Variants in NDRG1 observed in about 807,000 individuals in gnomAD.
The protein encoded by NDRG1 is protein NDRG1.
In NDRG1, 32 loss-of-function variants were observed where a neutral mutation model predicts 56.9. That is an observed-to-expected ratio of 0.56 (90% CI 0.42 to 0.76). NDRG1 has a LOEUF of 0.76. NDRG1 is among the 30% of genes least tolerant of loss of function. The pLI, the probability that NDRG1 is intolerant of heterozygous loss-of-function variation, is 0.00. For synonymous variants in NDRG1, 211 were observed against 204.1 expected (o/e 1.03, Z -0.29); for missense variants, 507 against 545.7 (o/e 0.93, Z 0.71).
At chr8:133,260,402 A>AGGTCCCACTCTGACAGTG (rs1856604282) in intron 5 of NDRG1, among the ~76,000 whole-genome samples, 1 of 152,236 alleles carries the variant, frequency 6.6e-6, no homozygotes. Context: ...GAAACAAGTC[A>AGGTCCCACTCTGACAGTG]GGTCCCACTC....
intron 1 of NDRG1, among the ~76,000 whole-genome samples, chr8:133,295,371 G>T (rs1379169718): frequency 1.3e-5 from 2 of 152,236 alleles, no homozygotes; most frequent in African/African-American, 2.4e-5. Context: ...ACAAAGCTAA[G>T]AAGTCACAGG....
intron 14 of NDRG1, among the ~76,000 whole-genome samples, chr8:133,242,357 A>C (rs1476373234): frequency 2.0e-5 from 3 of 152,212 alleles, no homozygotes; most frequent in Non-Finnish European, 4.4e-5. Flanking sequence ...GTTTCTGAGG[A>C]GATTACCATC....
Position 133,248,742 on chromosome 8 carries a change from A to T in NDRG1, c.728T>A (p.Met243Lys). ...CAGGGTGACTGTGTGGGTTCCCGGC[A>T]TTGGTCGCTCAATCTCCAGGTCGCG... ...SRRDLEIERP[M>K]PGTHTVTLQC... is the part of the protein sequence containing the mutation. Residue 243 changes from methionine to lysine, a missense_variant, in exon 11 of 16, where the codon ATG (methionine) becomes AAG (lysine). Met to Lys is a moderately conservative substitution (Grantham distance 95). Transcript: ENST00000323851. The T allele has an allele frequency of 6.2e-7, 1 of 1,614,226 alleles. No homozygotes were observed. Among genetic ancestry groups the T allele is most frequent in the Non-Finnish European group, 8.5e-7 (1 of 1,180,044 alleles).
At chr8:133,285,102 C>T (rs1462955014) in intron 1 of NDRG1, among the ~76,000 whole-genome samples, 1 of 152,126 alleles carries the variant, frequency 6.6e-6, no homozygotes, top group Non-Finnish European at 1.5e-5. Flanking sequence ...TGAAGCACAG[C>T]CCAGGAAGAC....
At chr8:133,284,201 A>C in intron 2 of NDRG1, 48 bp downstream of exon 2, 3 of 1,565,490 alleles carry the variant, frequency 1.9e-6, no homozygotes, top group Non-Finnish European at 2.6e-6. Context: ...GTGTGTGTCT[A>C]TGTGCACATG....
At chr8:133,250,629 G>A in intron 9 of NDRG1, 86 bp from the exon 10 acceptor site, 2 of 1,149,200 alleles carry the variant, frequency 1.7e-6, no homozygotes, top group African/African-American at 1.5e-5. Flanking sequence ...AGGTTATTTG[G>A]AGACAAAGTA....
intron 2 of NDRG1, among the ~76,000 whole-genome samples, chr8:133,283,125 C>T (rs13252851): frequency 0.12 from 18,466 of 152,198 alleles, 1,276 homozygotes; most frequent in Middle Eastern, 0.17. Flanking sequence ...GATTCCATGT[C>T]CCACACTTTG....
At chr8:133,268,173 G>A (rs1023802958) in intron 3 of NDRG1, among the ~76,000 whole-genome samples, 3 of 152,150 alleles carry the variant, frequency 2.0e-5, no homozygotes, top group Non-Finnish European at 2.9e-5. Flanking sequence ...GGTATCTGCT[G>A]GATAAGAGAT....
chr8:133,296,275 G>A (rs1015486638), intron 1 of NDRG1, among the ~76,000 whole-genome samples: 19 of 151,986 alleles, frequency 1.3e-4, no homozygotes, highest in Non-Finnish European at 8.8e-5. Flanking sequence ...GGGGAGGGTG[G>A]GCGGAGGCGA....
chr8:133,284,576 C>G (rs1046005175), intron 1 of NDRG1, among the ~76,000 whole-genome samples: 6 of 152,192 alleles, frequency 3.9e-5, no homozygotes, highest in Non-Finnish European at 7.3e-5. Flanking sequence ...ACAGACACCA[C>G]CCTCCCAATG....
chr8:133,248,749 G>C lies in NDRG1; in HGVS notation c.721C>G (p.Arg241Gly). Residue 241 changes from arginine (R) to glycine (G), a missense_variant, in exon 11 of 16, where the codon CGA (arginine) becomes GGA (glycine). Physicochemically the swap from Arg to Gly is moderately radical, Grantham distance 125. Transcript: ENST00000323851. ...YNSRRDLEIE[R>G]PMPGTHTVTL... ...ACTGTGTGGGTTCCCGGCATTGGTC[G>C]CTCAATCTCCAGGTCGCGCCGGCTG... 6.2e-7 allele frequency: 1 copy of C among 1,614,192 alleles called. No individual in the cohort carries two copies. The highest frequency in any genetic ancestry group is 8.5e-7 in the Non-Finnish European group (1 of 1,180,046).
At chr8:133,263,636 C>T (rs912020985) in intron 4 of NDRG1, among the ~76,000 whole-genome samples, 2 of 152,172 alleles carry the variant, frequency 1.3e-5, no homozygotes, top group East Asian at 3.8e-4. Context: ...GAATAGATGG[C>T]CGGGCCCAAT....
chr8:133,239,356 T>C (rs545902612), intron 15 of NDRG1: 1 of 662,582 alleles, frequency 1.5e-6, no homozygotes, highest in Non-Finnish European at 2.6e-6. Context: ...TGAACCCAGA[T>C]CTGGGTCTGA....
chr8:133,259,901 T>G (rs1856576774), intron 5 of NDRG1, among the ~76,000 whole-genome samples: 1 of 152,034 alleles, frequency 6.6e-6, no homozygotes, highest in African/African-American at 2.4e-5. Context: ...TTGGAAGAAG[T>G]GACGCTGAAG....
At chr8:133,254,407 CAT>C in intron 9 of NDRG1, 130 bp downstream of exon 9, 1 of 787,698 alleles carries the variant, frequency 1.3e-6, no homozygotes, top group Non-Finnish European at 2.1e-6. Flanking sequence ...CACATTATCT[CAT>C]GAGCACCAGC....
intron 1 of NDRG1, among the ~76,000 whole-genome samples, chr8:133,294,362 A>C (rs1317245108): frequency 6.6e-6 from 1 of 152,200 alleles, no homozygotes; most frequent in Non-Finnish European, 1.5e-5. Flanking sequence ...GGAGGGAGAC[A>C]GTGGCTGCTC....
chr8:133,273,192 C>G (rs75425821), intron 3 of NDRG1, among the ~76,000 whole-genome samples: 49 of 152,200 alleles, frequency 3.2e-4, no homozygotes, highest in African/African-American at 1.2e-3. Flanking sequence ...CCCATGGAAA[C>G]CAAATCAAAT....
chr8:133,262,566 C>A (rs1856712382), intron 4 of NDRG1, among the ~76,000 whole-genome samples: 1 of 152,156 alleles, frequency 6.6e-6, no homozygotes, highest in Middle Eastern at 3.2e-3. Context: ...TGGTCCAGGA[C>A]ACACATAATT....
intron 7 of NDRG1, 83 bp downstream of exon 7, chr8:133,258,283 G>A (rs1856483322): frequency 7.1e-7 from 1 of 1,412,852 alleles, no homozygotes; most frequent in Non-Finnish European, 9.8e-7. Flanking sequence ...TTCCCTTTTG[G>A]GTTTTTGATG....
Sources: allele counts gnomAD v4.1 joint callset (sites outside exome capture counted in the v4.1 genomes callset), GRCh38; gene constraint gnomAD v4.1.1; transcripts MANE v1.5; gene names NCBI Gene and HGNC (gene_info 2026-07-23, HGNC 2026-07-21).